The following WDR20 variants were observed in gnomAD, a reference collection of about 807,000 sequenced individuals.
WDR20 encodes the protein WD repeat domain 20.
Under a neutral mutation model 38.7 loss-of-function variants are expected in WDR20, and 3 were observed. The observed-to-expected ratio is 0.08, with a 90% CI of 0.04 to 0.20. The LOEUF (loss-of-function observed/expected upper bound fraction) is 0.20. WDR20 is among the 10% of genes least tolerant of loss of function. WDR20 has a pLI of 1.00. For missense variants in WDR20, 559 were observed against 727.7 expected (o/e 0.77, Z 2.67); for synonymous variants, 298 against 285.6 (o/e 1.04, Z -0.44).
Position 102,140,612 on chromosome 14 carries a change from CTG to C in WDR20, c.249+442_249+443del, listed in dbSNP as rs1301034442. Among the ~76,000 whole-genome samples, 4 of 152,178 alleles carry C rather than the reference CTG, an allele frequency of 2.6e-5. No individual in the cohort carries two copies. In the East Asian group the frequency reaches 7.7e-4, roughly 29 times the overall value. ...GACGCAAGACGGCTTAACAAGATCT[CTG>C]TAAGGCGGAACCGGGGCCGGGAAGC... is the stretch of plus-strand genomic sequence containing the variant. On this transcript the variant is annotated intron_variant, in intron 1 of 2. Coordinates refer to ENST00000342702, the MANE Select transcript of WDR20 (RefSeq NM_144574.4).
chr14:102,174,317 A>G (rs745561934), intron 1 of WDR20, among the ~76,000 whole-genome samples: 10 of 152,198 alleles, frequency 6.6e-5, no homozygotes, highest in Admixed American at 3.3e-4. Flanking sequence ...AGGAATCTCC[A>G]TGCTGTTTTC....
At chr14:102,154,720 A>G (rs180811141) in intron 1 of WDR20, among the ~76,000 whole-genome samples, 1 of 152,240 alleles carries the variant, frequency 6.6e-6, no homozygotes, top group African/African-American at 2.4e-5. Flanking sequence ...GCACTGAAAT[A>G]TTTATTGAAT....
chr14:102,161,139 T>TGC (rs2058610548), intron 1 of WDR20, among the ~76,000 whole-genome samples: 1 of 19,140 alleles, frequency 5.2e-5, no homozygotes, highest in Non-Finnish European at 1.0e-4. Context: ...TATATATATA[T>TGC]ATATTTTTTT....
At chr14:102,214,876 T>G (rs1182242680), downstream of WDR20, 1 of 972,046 alleles carries the variant, frequency 1.0e-6, no homozygotes, top group Non-Finnish European at 1.2e-6. Context: ...ACTGCTTTGT[T>G]TTTTTTTTTA....
At chr14:102,219,975 C>T (rs1742751636), downstream of WDR20, among the ~76,000 whole-genome samples, 1 of 152,234 alleles carries the variant, frequency 6.6e-6, no homozygotes, top group South Asian at 2.1e-4. Context: ...CAATTGGCAT[C>T]AAGGCGTTAG....
intron 1 of WDR20, among the ~76,000 whole-genome samples, chr14:102,188,960 C>G (rs1035063241): frequency 2.0e-5 from 3 of 151,448 alleles, no homozygotes; most frequent in Non-Finnish European, 2.9e-5. Flanking sequence ...GCCTGTAATC[C>G]CACCACTTTG....
chr14:102,223,833 C>T (rs560106297), downstream of WDR20, among the ~76,000 whole-genome samples: 21 of 152,096 alleles, frequency 1.4e-4, no homozygotes, highest in South Asian at 3.1e-3. Flanking sequence ...CTCAGGAGGG[C>T]GTGGGCTCTG....
chr14:102,139,668 C>T (rs962306062), upstream of WDR20: 3 of 652,968 alleles, frequency 4.6e-6, no homozygotes, highest in Non-Finnish European at 7.7e-6. Flanking sequence ...AGCAGCCATG[C>T]CGCCCGGAGG....
At chr14:102,162,963 A>G (rs2059061049) in intron 1 of WDR20, among the ~76,000 whole-genome samples, 1 of 152,164 alleles carries the variant, frequency 6.6e-6, no homozygotes, top group African/African-American at 2.4e-5. Flanking sequence ...TCTGCTGGTG[A>G]CTGGAACTCA....
At chr14:102,161,693 AGCTCCGTTTT>A (rs2058789345) in intron 1 of WDR20, among the ~76,000 whole-genome samples, 1 of 152,134 alleles carries the variant, frequency 6.6e-6, no homozygotes, top group Non-Finnish European at 1.5e-5. Context: ...TTGGGATGCC[AGCTCCGTTTT>A]GCTGAGATTC....
At chr14:102,139,882 G>A, upstream of WDR20, 1 of 1,598,900 alleles carries the variant, frequency 6.3e-7, no homozygotes, top group Non-Finnish European at 8.6e-7. Context: ...CGCGGTGGGC[G>A]TGATCCGGGC....
chr14:102,195,652 G>A (rs1428650255), intron 2 of WDR20, among the ~76,000 whole-genome samples: 3 of 152,198 alleles, frequency 2.0e-5, no homozygotes, highest in Admixed American at 6.5e-5. Context: ...ACATGACATA[G>A]CTTTTGCCAG....
At chr14:102,202,216 C>G (rs1359406880) in intron 2 of WDR20, among the ~76,000 whole-genome samples, 1 of 151,822 alleles carries the variant, frequency 6.6e-6, no homozygotes, top group African/African-American at 2.4e-5. Context: ...CCCTCTAGGG[C>G]TCAGCTTCCT....
intron 1 of WDR20, among the ~76,000 whole-genome samples, chr14:102,142,774 C>CTGTTTTT (rs1193456475): frequency 1.3e-4 from 11 of 85,030 alleles, no homozygotes; most frequent in African/African-American, 4.3e-4. Context: ...GCTGTTTTGA[C>CTGTTTTT]TTTTTTTTTT....
chr14:102,155,086 C>T (rs914271040), intron 1 of WDR20, among the ~76,000 whole-genome samples: 1 of 152,186 alleles, frequency 6.6e-6, no homozygotes, highest in African/African-American at 2.4e-5. Flanking sequence ...ATTGCTCCAA[C>T]AGTGCATATT....
intron 2 of WDR20, among the ~76,000 whole-genome samples, chr14:102,201,402 G>A (rs80127615): frequency 1.3e-5 from 2 of 152,192 alleles, no homozygotes; most frequent in Admixed American, 1.3e-4. Context: ...AAGTGCCTTA[G>A]AAAGCGTCAG....
rs1260394926 is a variant in WDR20, at chr14:102,210,241, TA to T, written c.*362del. 11 of 1,015,486 alleles carry T rather than the reference TA, an allele frequency of 1.1e-5. No individual in the cohort carries two copies. Among genetic ancestry groups the T allele is most frequent in the Non-Finnish European group, 1.3e-5 (11 of 848,556 alleles). The allele number at this position is 1,015,486 out of a possible 1,614,324, so 62.9% of individuals were successfully genotyped here. A position where few individuals can be genotyped will look rare whatever the true frequency, so the allele number is the denominator to read the frequency against. On this transcript the variant is annotated 3_prime_UTR_variant, in exon 3 of 3. Transcript: ENST00000342702. Reference sequence around the variant, plus strand: ...ATTAAAATTTATGCTTTAACTGGAATATTTTTTGCTTAACTACTCAATTAGA... The same window carrying T: ...ATTAAAATTTATGCTTTAACTGGAATTTTTTTGCTTAACTACTCAATTAGA...
intron 2 of WDR20, chr14:102,197,743 GTGTT>G: frequency 1.4e-6 from 1 of 700,230 alleles, no homozygotes; most frequent in South Asian, 1.5e-5. Context: ...AGGATCAAAT[GTGTT>G]TTTTTAGAAC....
chr14:102,165,840 A>G (rs2059664952), intron 1 of WDR20, among the ~76,000 whole-genome samples: 1 of 151,660 alleles, frequency 6.6e-6, no homozygotes, highest in East Asian at 1.9e-4. Flanking sequence ...GGGTTTCATC[A>G]TATTGCCCAG....
Sources: allele counts gnomAD v4.1 joint callset (sites outside exome capture counted in the v4.1 genomes callset), GRCh38; gene constraint gnomAD v4.1.1; transcripts MANE v1.5; gene names NCBI Gene and HGNC (gene_info 2026-07-23, HGNC 2026-07-21).